LRMDA: variants seen among roughly 807,000 people sequenced by gnomAD.
The protein encoded by LRMDA is leucine-rich melanocyte differentiation-associated protein.
A neutral mutation model predicts 29.8 loss-of-function variants in LRMDA; 18 were observed. That is an observed-to-expected ratio of 0.60 (90% CI 0.42 to 0.90). The LOEUF (loss-of-function observed/expected upper bound fraction) is 0.90, where lower values mean the gene tolerates loss of function less well. Ranked by LOEUF, LRMDA falls within the 40% of genes least tolerant of loss-of-function variation. LRMDA has a pLI of 0.00. For synonymous variants in LRMDA, 125 were observed against 109.4 expected, an observed-to-expected ratio of 1.14 and a Z score of -0.89; for missense variants, 273 against 273.9, an observed-to-expected ratio of 1.00 and a Z score of 0.02.
intron 6 of LRMDA, among the ~76,000 whole-genome samples, chr10:76,369,552 T>G (rs1841429159): frequency 6.6e-6 from 1 of 152,196 alleles, no homozygotes; most frequent in African/African-American, 2.4e-5. Flanking sequence ...GATTCTTTCC[T>G]TCATCTTAAA....
intron 2 of LRMDA, among the ~76,000 whole-genome samples, chr10:75,764,309 T>G (rs1589192431): frequency 1.3e-5 from 2 of 152,216 alleles, no homozygotes; most frequent in African/African-American, 4.8e-5. Flanking sequence ...TAGGGGAAAA[T>G]GGCATTTTCC....
At chr10:76,482,256 G>A (rs1459721895) in intron 6 of LRMDA, among the ~76,000 whole-genome samples, 1 of 151,894 alleles carries the variant, frequency 6.6e-6, no homozygotes, top group Non-Finnish European at 1.5e-5. Context: ...AATTTTAAGT[G>A]TGCAGTTCAT....
At chr10:75,602,902 T>G (rs988346990) in intron 2 of LRMDA, among the ~76,000 whole-genome samples, 1 of 152,194 alleles carries the variant, frequency 6.6e-6, no homozygotes, top group African/African-American at 2.4e-5. Context: ...ATACTGAGAA[T>G]GAGAAAAGTT....
intron 5 of LRMDA, among the ~76,000 whole-genome samples, chr10:76,085,820 C>T (rs763695732): frequency 8.5e-5 from 13 of 152,168 alleles, no homozygotes; most frequent in Non-Finnish European, 1.6e-4. Flanking sequence ...CTGGCTTCCT[C>T]CCCGCTCTCC....
chr10:76,421,709 A>G (rs1008570441), intron 6 of LRMDA, among the ~76,000 whole-genome samples: 2 of 152,106 alleles, frequency 1.3e-5, no homozygotes, highest in African/African-American at 2.4e-5. Context: ...GCTGTTTTGC[A>G]TCTTTAGAAT....
At chr10:75,513,396 A>T (rs1156892187) in intron 2 of LRMDA, among the ~76,000 whole-genome samples, 1 of 152,184 alleles carries the variant, frequency 6.6e-6, no homozygotes, top group Admixed American at 6.5e-5. Flanking sequence ...TGGAGAACAT[A>T]TCGCTTCTCA....
chr10:75,799,622 C>T (rs184738471), intron 2 of LRMDA, among the ~76,000 whole-genome samples: 1 of 151,334 alleles, frequency 6.6e-6, no homozygotes, highest in African/African-American at 2.4e-5. Context: ...TCAAGTGATT[C>T]TCCTGCCTCA....
intron 2 of LRMDA, among the ~76,000 whole-genome samples, chr10:75,676,049 G>C (rs1337895689): frequency 3.9e-5 from 6 of 152,112 alleles, no homozygotes; most frequent in African/African-American, 1.4e-4. Flanking sequence ...GTTTTGGTTG[G>C]TGTCACTCCC....
chr10:76,350,289 T>G lies in LRMDA; in HGVS notation c.601+25804T>G, dbSNP rs564156619. Among the ~76,000 whole-genome samples the G allele has an allele frequency of 2.8e-4, 42 of 152,318 alleles. No individual in the cohort carries two copies. In the South Asian group the frequency reaches 5.4e-3, roughly 20 times the overall value. Reference sequence around the variant, plus strand: ...ATGATAGCTCTTATTATTTTACATATGTTATATTTGTTCCTTAACATCAAG... The same window carrying G: ...ATGATAGCTCTTATTATTTTACATAGGTTATATTTGTTCCTTAACATCAAG... On this transcript the variant is annotated intron_variant, in intron 6 of 6. Transcript: ENST00000611255.
At chr10:76,399,128 A>G (rs1031525192) in intron 6 of LRMDA, among the ~76,000 whole-genome samples, 2 of 152,220 alleles carry the variant, frequency 1.3e-5, no homozygotes, top group Non-Finnish European at 1.5e-5. Context: ...CTCATCTGCA[A>G]AATGAAATAA....
At chr10:75,565,850 G>A (rs1428356607) in intron 2 of LRMDA, among the ~76,000 whole-genome samples, 1 of 152,182 alleles carries the variant, frequency 6.6e-6, no homozygotes, top group African/African-American at 2.4e-5. Context: ...CAAGGTGGAT[G>A]GATGGCTTGA....
At position 75,828,722 on chromosome 10, in the gene LRMDA, G is replaced by A. The variant is rs550320130; in HGVS notation, c.132-207286G>A. Among the ~76,000 whole-genome samples, 69 of 152,230 alleles carry A rather than the reference G, an allele frequency of 4.5e-4. 1 individual carries two copies. The highest frequency in any genetic ancestry group is 3.3e-4 in the Admixed American group (5 of 15,294). On this transcript the variant is annotated intron_variant, in intron 2 of 6. Coordinates refer to ENST00000611255, the MANE Select transcript of LRMDA (RefSeq NM_001305581.2). The stretch of plus-strand genomic sequence containing the variant: ...AGCAAATAAAGTGAAGAAATATAGC[G>A]GTACGTGTTATTTTTACATCCTAAA...
intron 2 of LRMDA, among the ~76,000 whole-genome samples, chr10:75,721,722 A>G (rs1459263630): frequency 6.6e-6 from 1 of 152,164 alleles, no homozygotes; most frequent in Non-Finnish European, 1.5e-5. Flanking sequence ...ACTTTCTTTT[A>G]ATTTACAACT....
intron 2 of LRMDA, among the ~76,000 whole-genome samples, chr10:75,632,311 A>G (rs1272589173): frequency 6.6e-6 from 1 of 152,248 alleles, no homozygotes; most frequent in African/African-American, 2.4e-5. Flanking sequence ...GGCTTAAATT[A>G]CAATCTGGTT....
chr10:75,737,798 T>C (rs1842784067), intron 2 of LRMDA, among the ~76,000 whole-genome samples: 1 of 152,202 alleles, frequency 6.6e-6, no homozygotes, highest in Non-Finnish European at 1.5e-5. Flanking sequence ...CCTGAAGCCC[T>C]GTTCTGGAAC....
At chr10:75,446,233 A>T (rs539987026) in intron 2 of LRMDA, among the ~76,000 whole-genome samples, 6 of 152,036 alleles carry the variant, frequency 3.9e-5, no homozygotes, top group African/African-American at 1.4e-4. Context: ...CTGGCTTGAA[A>T]CCCTGCTTCT....
chr10:76,552,578 C>A (rs1428296961), intron 6 of LRMDA, among the ~76,000 whole-genome samples: 1 of 152,208 alleles, frequency 6.6e-6, no homozygotes, highest in African/African-American at 2.4e-5. Context: ...AATGCCAAAT[C>A]ACCTATTTCA....
chr10:75,682,015 G>A (rs915779011), intron 2 of LRMDA, among the ~76,000 whole-genome samples: 9 of 152,150 alleles, frequency 5.9e-5, no homozygotes, highest in Non-Finnish European at 1.0e-4. Flanking sequence ...TCCTTTAGGC[G>A]GGTCTAACTT....
intron 2 of LRMDA, among the ~76,000 whole-genome samples, chr10:75,830,375 C>T (rs1213248120): frequency 3.3e-5 from 5 of 152,198 alleles, no homozygotes; most frequent in Non-Finnish European, 7.3e-5. Context: ...CATTAGTACA[C>T]TGTATTAGTC....
Sources: allele counts gnomAD v4.1 joint callset (sites outside exome capture counted in the v4.1 genomes callset), GRCh38; gene constraint gnomAD v4.1.1; transcripts MANE v1.5; gene names NCBI Gene and HGNC (gene_info 2026-07-23, HGNC 2026-07-21).